Variants in ABCA4 observed in about 807,000 individuals in gnomAD.
ABCA4 encodes ATP binding cassette subfamily A member 4, also known as retinal-specific phospholipid-transporting ATPase ABCA4.
In ABCA4, 196 loss-of-function variants were observed where a neutral mutation model predicts 263.7. The ratio of observed to expected loss-of-function variants is 0.74; its 90% CI spans 0.66 to 0.84. The LOEUF (loss-of-function observed/expected upper bound fraction) is 0.84, where lower values mean the gene tolerates loss of function less well. Ranked by LOEUF, ABCA4 falls within the 40% of genes least tolerant of loss-of-function variation. ABCA4 has a pLI of 0.00. For missense variants in ABCA4, 2,792 were observed against 2,855.1 expected (o/e 0.98, Z 0.50); for synonymous variants, 1,133 against 1,094.2 (o/e 1.04, Z -0.70).
At chr1:94,049,585 C>G (rs932019866) in intron 17 of ABCA4, among the ~76,000 whole-genome samples, 1 of 152,166 alleles carries the variant, frequency 6.6e-6, no homozygotes, top group African/African-American at 2.4e-5. Flanking sequence ...GATAGTGCCA[C>G]TGCACTCCAG....
rs1402117430 is a variant in ABCA4 at position 94,019,623 on chromosome 1, T to G, written c.5155A>C (p.Ser1719Arg). 6.2e-7 allele frequency: 1 copy of G among 1,611,402 alleles called. No individual in the cohort carries two copies. The highest frequency in any genetic ancestry group is 1.1e-5 in the South Asian group (1 of 90,414). The part of the protein sequence containing the change: ...SKHLQFISGV[S>R]PTTYWVTNFL... The stretch of plus-strand genomic sequence containing the variant: ...TTGGTCACCCAGTAGGTGGTGGGGC[T>G]CACTCCACTGATAAACTGGAGGTGC... The change falls in exon 36 of 50, where the codon AGC becomes CGC. Residue 1719 changes from serine (S) to arginine (R), a missense_variant. Coordinates refer to ENST00000370225, the MANE Select transcript of ABCA4 (RefSeq NM_000350.3).
chr1:94,101,224 C>T lies in ABCA4; in HGVS notation c.570+1791G>A, dbSNP rs1209166060. On this transcript the variant is annotated intron_variant, in intron 5 of 49. Transcript: ENST00000370225. ...CCGAAATTCCTGTCCTTATCTTCATCTCCCTTTTATTACCAACTGGAAGTC... is the reference window on the plus strand; with the variant it reads ...CCGAAATTCCTGTCCTTATCTTCATTTCCCTTTTATTACCAACTGGAAGTC... Among the ~76,000 whole-genome samples, 4 of 152,250 alleles carry T rather than the reference C, an allele frequency of 2.6e-5. No homozygotes were observed. The East Asian group carries it at 7.7e-4, about 29-fold the overall frequency.
At position 94,032,032 on chromosome 1, in the gene ABCA4, G is replaced by A. The variant is rs61752426; in HGVS notation, c.3874C>T (p.Gln1292Ter). The stretch of plus-strand genomic sequence containing the variant: ...CGGGGGTTGACGTTTTCTCTTTTCT[G>A]CTGAGCGCCACCTGTTTTGAGAGAT... ...SGPLFAGGAQQKRENVNPRHP... is the reference protein window; with the variant it reads ...SGPLFAGGAQ The change falls in exon 27 of 50, where the codon CAG becomes TAG. Residue 1292 changes from glutamine (Q) to a stop codon, truncating the protein, a stop_gained. Coordinates refer to ENST00000370225, the MANE Select transcript of ABCA4 (RefSeq NM_000350.3). LOFTEE classifies it high-confidence loss of function. 1.9e-6 allele frequency: 3 copies of A among 1,611,622 alleles called. No homozygotes were observed. Among genetic ancestry groups the A allele is most frequent in the Non-Finnish European group, 2.5e-6 (3 of 1,180,020 alleles).
At chr1:94,117,277 T>C (rs904420189) in intron 1 of ABCA4, among the ~76,000 whole-genome samples, 3 of 152,144 alleles carry the variant, frequency 2.0e-5, no homozygotes, top group Admixed American at 6.5e-5. Flanking sequence ...CCTTCTGCAC[T>C]GAGAACCAGG....
chr1:94,100,379 C>G (rs1159971454), intron 5 of ABCA4, among the ~76,000 whole-genome samples: 1 of 152,200 alleles, frequency 6.6e-6, no homozygotes, highest in Non-Finnish European at 1.5e-5. Context: ...CTGGTAGGCA[C>G]TTTTACTATT....
At chr1:94,105,044 A>C (rs2101148184) in intron 4 of ABCA4, among the ~76,000 whole-genome samples, 1 of 152,286 alleles carries the variant, frequency 6.6e-6, no homozygotes, top group South Asian at 2.1e-4. Context: ...CACACATGGG[A>C]GATCTCTTGA....
chr1:94,072,232 G>A (rs1281244455), intron 11 of ABCA4, among the ~76,000 whole-genome samples: 1 of 152,208 alleles, frequency 6.6e-6, no homozygotes, highest in Middle Eastern at 3.2e-3. Flanking sequence ...TGTATTGACT[G>A]TGTTGACAGC....
intron 44 of ABCA4, among the ~76,000 whole-genome samples, chr1:94,004,641 CTTTT>C (rs957952455): frequency 1.3e-5 from 2 of 152,064 alleles, no homozygotes; most frequent in East Asian, 1.9e-4. Context: ...GTTAGGTTTT[CTTTT>C]TGTTTTCATT....
chr1:94,022,337 G>T (rs1659926469), intron 32 of ABCA4, among the ~76,000 whole-genome samples: 1 of 152,180 alleles, frequency 6.6e-6, no homozygotes, highest in African/African-American at 2.4e-5. Flanking sequence ...CCTTTTGGGA[G>T]CATCGAGCCA....
At chr1:94,100,338 T>C (rs1409235358) in intron 5 of ABCA4, among the ~76,000 whole-genome samples, 1 of 152,218 alleles carries the variant, frequency 6.6e-6, no homozygotes, top group Non-Finnish European at 1.5e-5. Flanking sequence ...AGTGTTCACA[T>C]ATATTATTTC....
At chr1:94,045,718 C>A (rs887319334) in intron 19 of ABCA4, 17 of 455,904 alleles carry the variant, frequency 3.7e-5, no homozygotes, top group African/African-American at 3.2e-4. Flanking sequence ...GGAAACAGAA[C>A]CAATTAGAAT....
At chr1:94,073,336 ACCCCTCTGCT>A (rs1661455287) in intron 11 of ABCA4, among the ~76,000 whole-genome samples, 1 of 151,454 alleles carries the variant, frequency 6.6e-6, no homozygotes, top group Admixed American at 6.6e-5. Context: ...CTCCCATCAT[ACCCCTCTGCT>A]CAGAGGCCCT....
chr1:94,062,037 G>T (rs1638689666), intron 13 of ABCA4, among the ~76,000 whole-genome samples: 1 of 152,118 alleles, frequency 6.6e-6, no homozygotes, highest in Non-Finnish European at 1.5e-5. Context: ...CTGGTCAACA[G>T]ATATACAGGC....
intron 4 of ABCA4, among the ~76,000 whole-genome samples, chr1:94,107,063 G>A (rs1165652440): frequency 6.6e-6 from 1 of 152,134 alleles, no homozygotes; most frequent in Non-Finnish European, 1.5e-5. Flanking sequence ...GTGCCCCCGG[G>A]GCTGATTTCA....
rs780593170 is a variant in ABCA4, at chr1:93,998,085, T to C, written c.6505A>G (p.Met2169Val). The stretch of plus-strand genomic sequence containing the variant: ...TCGTCCTTCGGGGATTTGATCTTCA[T>C]TGTGACGATATAGCCATCTCCAAAT... ...SKFGDGYIVTMKIKSPKDDLL... is the reference protein window; with the variant it reads ...SKFGDGYIVTVKIKSPKDDLL... Residue 2169 changes from methionine (M) to valine (V), a missense_variant, in exon 48 of 50, where the codon ATG becomes GTG. Physicochemically the swap from Met to Val is conservative, Grantham distance 21. Coordinates refer to ENST00000370225, the MANE Select transcript of ABCA4 (RefSeq NM_000350.3). The C allele has an allele frequency of 1.7e-5, 27 of 1,614,216 alleles. No homozygotes were observed. The highest frequency in any genetic ancestry group is 2.2e-5 in the South Asian group (2 of 91,084).
In ABCA4 at chr1:94,062,863, C is replaced by T. The variant is rs186197669; in HGVS notation, c.1761-110G>A. ...ATTCTCTTAAAATCTTTCTCCTAAA[C>T]GCTTCAAAAGGATCCAATTCTATTT... is the stretch of plus-strand genomic sequence containing the variant. On this transcript the variant is annotated intron_variant, in intron 12 of 49. Coordinates refer to ENST00000370225, the MANE Select transcript of ABCA4 (RefSeq NM_000350.3). 8.2e-5 allele frequency: 104 copies of T among 1,273,648 alleles called. 1 individual carries two copies. The Admixed American group carries it at 1.5e-3, about 18-fold the overall frequency. 78.9% of individuals were successfully genotyped at this position (1,273,648 alleles called of 1,614,324 possible). A position where few individuals can be genotyped will look rare whatever the true frequency, so the allele number is the denominator to read the frequency against.
chr1:94,041,891 A>C (rs891024739), intron 22 of ABCA4, among the ~76,000 whole-genome samples: 1 of 152,100 alleles, frequency 6.6e-6, no homozygotes, highest in Admixed American at 6.5e-5. Context: ...AGGTCGGGAG[A>C]TCGAGACCAT....
At chr1:94,086,052 C>T (rs1419908477) in intron 6 of ABCA4, among the ~76,000 whole-genome samples, 1 of 152,174 alleles carries the variant, frequency 6.6e-6, no homozygotes, top group East Asian at 1.9e-4. Flanking sequence ...ATCTATCTCC[C>T]CTGTAAGACT....
intron 12 of ABCA4, 45 bp downstream of exon 12, chr1:94,063,067 C>T: frequency 9.7e-6 from 15 of 1,548,632 alleles, no homozygotes; most frequent in Non-Finnish European, 1.3e-5. Flanking sequence ...ATGTAATTTC[C>T]CACTGACTTT....
Sources: gnomAD v4.1 joint callset for allele counts (sites outside exome capture counted in the v4.1 genomes callset) on GRCh38, gnomAD v4.1.1 for gene constraint, MANE v1.5 for transcripts, NCBI Gene and HGNC (gene_info 2026-07-23, HGNC 2026-07-21) for gene names.